The following UGT1A8 variants were observed in gnomAD, a reference collection of about 807,000 sequenced individuals.
UGT1A8 encodes the protein UDP-glucuronosyltransferase 1A8.
A neutral mutation model predicts 45.3 loss-of-function variants in UGT1A8; 39 were observed. That is an observed-to-expected ratio of 0.86 (90% CI 0.67 to 1.12). UGT1A8 has a LOEUF of 1.12. Among genes scored for constraint, UGT1A8 ranks in the 50% most tolerant of loss-of-function variants. The pLI is 0.00. For synonymous variants in UGT1A8, 275 were observed against 249.2 expected (o/e 1.10, Z -0.97); for missense variants, 719 against 664.9 (o/e 1.08, Z -0.90).
chr2:233,715,209 C>T (rs920759938), intron 1 of UGT1A8, among the ~76,000 whole-genome samples: 4 of 152,060 alleles, frequency 2.6e-5, no homozygotes, highest in African/African-American at 9.7e-5. Context: ...TTTAAAAGAC[C>T]CTCTACTGAA....
intron 1 of UGT1A8, among the ~76,000 whole-genome samples, chr2:233,716,726 T>C (rs1272338086): frequency 6.6e-6 from 1 of 152,214 alleles, no homozygotes; most frequent in Non-Finnish European, 1.5e-5. Context: ...CCAGTTTATA[T>C]GTTTAGCTCT....
At chr2:233,682,126 T>G in intron 1 of UGT1A8, 2 of 1,614,070 alleles carry the variant, frequency 1.2e-6, no homozygotes, top group Non-Finnish European at 1.7e-6. Flanking sequence ...CAGAGGTGAG[T>G]TGGCAACTGG....
intron 1 of UGT1A8, among the ~76,000 whole-genome samples, chr2:233,643,381 T>C (rs1381408789): frequency 6.6e-6 from 1 of 152,044 alleles, no homozygotes; most frequent in Non-Finnish European, 1.5e-5. Context: ...GGTGTTCCCT[T>C]AAGGCCCAAG....
intron 1 of UGT1A8, chr2:233,755,333 G>A (rs878855763): frequency 4.4e-6 from 2 of 455,268 alleles, no homozygotes; most frequent in South Asian, 1.9e-5. Flanking sequence ...CAGCACCCGC[G>A]CACAGGTCAG....
intron 1 of UGT1A8, among the ~76,000 whole-genome samples, chr2:233,762,648 C>T (rs564771250): frequency 6.6e-6 from 1 of 151,468 alleles, no homozygotes; most frequent in African/African-American, 2.4e-5. Context: ...AAAAGATAAG[C>T]TATTTTGTAG....
At chr2:233,755,256 T>C in intron 1 of UGT1A8, 1 of 820,386 alleles carries the variant, frequency 1.2e-6, no homozygotes, top group Non-Finnish European at 1.8e-6. Context: ...CAGCACCTCG[T>C]AGTAGTCCAC....
chr2:233,697,076 G>T (rs2075374196), intron 1 of UGT1A8, among the ~76,000 whole-genome samples: 1 of 151,938 alleles, frequency 6.6e-6, no homozygotes, highest in African/African-American at 2.4e-5. Context: ...TTGGTATCAG[G>T]GTAACACTGG....
intron 1 of UGT1A8, chr2:233,690,989 C>G (rs2075024416): frequency 2.0e-6 from 2 of 994,596 alleles, no homozygotes; most frequent in Admixed American, 1.2e-4. Context: ...CACATATGAG[C>G]AACAGGATTT....
intron 1 of UGT1A8, among the ~76,000 whole-genome samples, chr2:233,698,597 G>C (rs966031058): frequency 6.6e-6 from 1 of 152,070 alleles, no homozygotes; most frequent in East Asian, 1.9e-4. Context: ...CAAGAAATTC[G>C]GATTAATAAA....
rs12623271 is a variant in UGT1A8, at chr2:233,691,295, C to A, written c.855+72733C>A. The stretch of plus-strand genomic sequence containing the variant: ...CCATGACTTTGATCATTGTAAGCTG[C>A]CAATCCTCTTGGGAGGCTGCTCCCA... On this transcript the variant is annotated intron_variant, in intron 1 of 4. Coordinates refer to ENST00000373450, the MANE Select transcript of UGT1A8 (RefSeq NM_019076.5). The A allele has an allele frequency of 3.0e-6, 3 of 985,172 alleles. No individual in the cohort carries two copies. The Admixed American group carries it at 1.8e-4, about 61-fold the overall frequency. 61.0% of individuals were successfully genotyped at this position (985,172 alleles called of 1,614,324 possible).
intron 1 of UGT1A8, among the ~76,000 whole-genome samples, chr2:233,669,584 A>G (rs1289461538): frequency 6.6e-6 from 1 of 152,022 alleles, no homozygotes; most frequent in African/African-American, 2.4e-5. Context: ...CCAATTTTCA[A>G]TTGTTCATTG....
chr2:233,665,128 A>G (rs2074046290), intron 1 of UGT1A8, among the ~76,000 whole-genome samples: 2 of 152,210 alleles, frequency 1.3e-5, no homozygotes, highest in African/African-American at 4.8e-5. Context: ...CAGGCTGGAC[A>G]TATTGTTCTT....
At chr2:233,625,680 T>C (rs1221922196) in intron 1 of UGT1A8, among the ~76,000 whole-genome samples, 1 of 151,700 alleles carries the variant, frequency 6.6e-6, no homozygotes, top group Non-Finnish European at 1.5e-5. Context: ...TAAGGGAATA[T>C]ATACAGGCAC....
At chr2:233,759,612 A>G (rs992811783) in intron 1 of UGT1A8, among the ~76,000 whole-genome samples, 1 of 32,716 alleles carries the variant, frequency 3.1e-5, no homozygotes, top group African/African-American at 8.8e-5. Flanking sequence ...CGCCCCACCC[A>G]CCCACCTGTT....
chr2:233,629,930 A>G (rs1290987340), intron 1 of UGT1A8, among the ~76,000 whole-genome samples: 3 of 151,968 alleles, frequency 2.0e-5, no homozygotes, highest in Admixed American at 6.6e-5. Flanking sequence ...TGTTCATGTT[A>G]TTCTCTTAAC....
chr2:233,678,270 A>T (rs1270285858), intron 1 of UGT1A8, among the ~76,000 whole-genome samples: 1 of 152,228 alleles, frequency 6.6e-6, no homozygotes, highest in Non-Finnish European at 1.5e-5. Context: ...CACACAATAT[A>T]CTCAGGTAAC....
chr2:233,701,054 A>C (rs1431935742), intron 1 of UGT1A8, among the ~76,000 whole-genome samples: 1 of 152,054 alleles, frequency 6.6e-6, no homozygotes, highest in Non-Finnish European at 1.5e-5. Context: ...TGAACTCATA[A>C]TTTTTTATGG....
intron 1 of UGT1A8, chr2:233,671,807 A>ATTTTTTT: frequency 7.3e-7 from 1 of 1,373,166 alleles, no homozygotes; most frequent in Non-Finnish European, 9.5e-7. Flanking sequence ...TCAGTGACTG[A>ATTTTTTT]TTTTTTTTTT....
intron 1 of UGT1A8, among the ~76,000 whole-genome samples, chr2:233,677,491 T>C (rs2074391970): frequency 6.6e-6 from 1 of 152,174 alleles, no homozygotes; most frequent in Admixed American, 6.6e-5. Context: ...ATAGTTTGTA[T>C]GTTATTAGTA....
Sources: gnomAD v4.1 joint callset for allele counts (sites outside exome capture counted in the v4.1 genomes callset) on GRCh38, gnomAD v4.1.1 for gene constraint, MANE v1.5 for transcripts, NCBI Gene and HGNC (gene_info 2026-07-23, HGNC 2026-07-21) for gene names.